The following PAQR5 variants were observed in gnomAD, a reference collection of about 807,000 sequenced individuals.
PAQR5 encodes membrane progestin receptor gamma.
Under a neutral mutation model 34.5 loss-of-function variants are expected in PAQR5, and 20 were observed. The observed-to-expected ratio is 0.58, with a 90% CI of 0.41 to 0.84. The LOEUF (loss-of-function observed/expected upper bound fraction) is 0.84. PAQR5 is among the 40% of genes least tolerant of loss of function. The probability of loss-of-function intolerance (pLI) is 0.00; values close to 1 mark genes in which losing one functional copy is unlikely to be tolerated. For missense variants in PAQR5, 378 were observed against 412.7 expected (o/e 0.92, Z 0.73); for synonymous variants, 131 against 155.6 (o/e 0.84, Z 1.18).
In PAQR5 at chr15:69,360,190, C is replaced by T. The variant is rs556627197; in HGVS notation, c.51+59C>T. The T allele has an allele frequency of 1.6e-4, 215 of 1,311,626 alleles. 1 individual carries two copies. In the South Asian group the frequency reaches 1.9e-3, roughly 12 times the overall value. 81.2% of individuals were successfully genotyped at this position (1,311,626 alleles called of 1,614,324 possible). ...CAGAGTGTGACCAGGGCTTGGCCTC[C>T]GCAATGGGGGGCTGTTGTCTTCACC... On this transcript the variant is annotated intron_variant, in intron 3 of 8. Coordinates refer to ENST00000395407, the MANE Select transcript of PAQR5 (RefSeq NM_017705.4).
intron 2 of PAQR5, among the ~76,000 whole-genome samples, chr15:69,345,323 ACT>A (rs1389569067): frequency 6.6e-6 from 1 of 152,020 alleles, no homozygotes; most frequent in African/African-American, 2.4e-5. Flanking sequence ...AAGTTTTTGG[ACT>A]CTCTCATTGG....
intron 1 of PAQR5, among the ~76,000 whole-genome samples, chr15:69,306,428 T>C (rs2053717866): frequency 6.7e-6 from 1 of 149,064 alleles, no homozygotes; most frequent in African/African-American, 2.6e-5. Context: ...TTTTTTTTTT[T>C]TGATACGGAG....
At chr15:69,348,400 A>T (rs1281951291) in intron 2 of PAQR5, among the ~76,000 whole-genome samples, 1 of 152,222 alleles carries the variant, frequency 6.6e-6, no homozygotes, top group African/African-American at 2.4e-5. Flanking sequence ...ACGGTGAAGC[A>T]GTCTTTGAAC....
At chr15:69,361,343 G>C (rs2055226602) in intron 3 of PAQR5, among the ~76,000 whole-genome samples, 1 of 152,050 alleles carries the variant, frequency 6.6e-6, no homozygotes, top group Admixed American at 6.5e-5. Flanking sequence ...CTCATATGTT[G>C]GTCAGGAAGA....
At chr15:69,332,048 G>C (rs1385720763) in intron 1 of PAQR5, among the ~76,000 whole-genome samples, 2 of 152,196 alleles carry the variant, frequency 1.3e-5, no homozygotes, top group Non-Finnish European at 2.9e-5. Flanking sequence ...AAAAGGGTGA[G>C]AAATTCTTAC....
At chr15:69,349,889 G>T (rs945258390) in intron 2 of PAQR5, among the ~76,000 whole-genome samples, 4 of 151,990 alleles carry the variant, frequency 2.6e-5, no homozygotes, top group Non-Finnish European at 4.4e-5. Flanking sequence ...TGATCGGCCC[G>T]CCTTGGCCTC....
intron 2 of PAQR5, among the ~76,000 whole-genome samples, chr15:69,351,141 G>A (rs2054907375): frequency 6.6e-6 from 1 of 152,210 alleles, no homozygotes; most frequent in Non-Finnish European, 1.5e-5. Flanking sequence ...CTATTATGGT[G>A]GAAATGGCCA....
At chr15:69,330,372 C>T (rs758360094) in intron 1 of PAQR5, among the ~76,000 whole-genome samples, 1 of 152,320 alleles carries the variant, frequency 6.6e-6, no homozygotes, top group Middle Eastern at 3.4e-3. Flanking sequence ...CAGCTCTTTC[C>T]CAAAGGAGAC....
At chr15:69,396,267 A>T (rs933948340) in intron 6 of PAQR5, among the ~76,000 whole-genome samples, 1 of 150,620 alleles carries the variant, frequency 6.6e-6, no homozygotes, top group African/African-American at 2.5e-5. Flanking sequence ...CAGAGGAAAC[A>T]GCAGATGGCA....
intron 1 of PAQR5, among the ~76,000 whole-genome samples, chr15:69,319,419 T>C (rs1021895786): frequency 6.6e-6 from 1 of 151,424 alleles, no homozygotes; most frequent in Admixed American, 6.6e-5. Context: ...TTCTAGGCCA[T>C]GTGACCCGAA....
chr15:69,397,607 AG>A, intron 7 of PAQR5, 43 bp downstream of exon 7: 1 of 1,283,644 alleles, frequency 7.8e-7, no homozygotes, highest in Non-Finnish European at 1.1e-6. Flanking sequence ...TGGCAACACC[AG>A]GAAGTCAGTT....
At chr15:69,302,632 C>T (rs552832095) in intron 1 of PAQR5, among the ~76,000 whole-genome samples, 27 of 152,174 alleles carry the variant, frequency 1.8e-4, no homozygotes, top group Non-Finnish European at 3.7e-4. Flanking sequence ...CTGCCAGGAA[C>T]CCTGTGTGAC....
chr15:69,366,971 T>G (rs1182459755), intron 3 of PAQR5, among the ~76,000 whole-genome samples: 1 of 152,156 alleles, frequency 6.6e-6, no homozygotes, highest in Non-Finnish European at 1.5e-5. Context: ...TGCCTTGGAA[T>G]GCATCCGATA....
At position 69,404,522 on chromosome 15, in the gene PAQR5, T is replaced by C. The variant is rs2056725112; in HGVS notation, c.*700T>C. 6.4e-6 allele frequency: 1 copy of C among 156,968 alleles called. No individual in the cohort carries two copies. Among genetic ancestry groups the C allele is most frequent in the Non-Finnish European group, 1.4e-5 (1 of 71,488 alleles). The allele number at this position is 156,968 out of a possible 1,614,324, so 9.7% of individuals were successfully genotyped here. ...CAGCGGGGTGTCATGTGTTCTGTTA[T>C]GTTCTGTTTTCTGGTTGCCAGTTTG... On this transcript the variant is annotated 3_prime_UTR_variant, in exon 9 of 9. Transcript: ENST00000395407.
At chr15:69,372,468 G>A (rs12910847) in intron 3 of PAQR5, among the ~76,000 whole-genome samples, 144,262 of 152,244 alleles carry the variant, frequency 0.95, 68,856 homozygotes, top group South Asian at 1. Flanking sequence ...ACTTGAATTC[G>A]GGAGATAGAG....
rs1401678345 is a variant in PAQR5 at position 69,322,759 on chromosome 15, AAGAAGAAGAAGAGGG to A, written c.-276-14569_-276-14555del. 7.5e-4 allele frequency among the ~76,000 whole-genome samples: 35 copies of A among 46,908 alleles called. 6 individuals are homozygous for A. The highest frequency in any genetic ancestry group is 2.4e-3 in the East Asian group (3 of 1,236). 30.8% of individuals were successfully genotyped at this position (46,908 alleles called of 152,430 possible). On this transcript the variant is annotated intron_variant, in intron 1 of 8. Coordinates refer to ENST00000395407, the MANE Select transcript of PAQR5 (RefSeq NM_017705.4). ...GAAGAAGAAGAAGAAGAAGAAGAAG[AAGAAGAAGAAGAGGG>A]AGAAGAAGAAGACGAGGAAGAAGAA...
At chr15:69,392,672 G>A (rs1377554174) in intron 6 of PAQR5, among the ~76,000 whole-genome samples, 1 of 152,198 alleles carries the variant, frequency 6.6e-6, no homozygotes, top group African/African-American at 2.4e-5. Flanking sequence ...ATTTCCGTTA[G>A]AGTGTAGCAG....
In PAQR5 at chr15:69,400,034, ATGATCATGACCCTCC is replaced by A. The variant is rs745945567; in HGVS notation, c.673_687del (p.Ile225_Leu229del). ...AGCCACCTCGTACCACCAGAAGCACATGATCATGACCCTCCTGGCCTCTTTCTTGTACTCTGCACA... is the reference window on the plus strand; with the variant it reads ...AGCCACCTCGTACCACCAGAAGCACATGGCCTCTTTCTTGTACTCTGCACA... On this transcript the variant is annotated inframe_deletion, in exon 8 of 9. Transcript: ENST00000395407. The A allele has an allele frequency of 1.2e-6, 2 of 1,614,050 alleles. No homozygotes were observed. Among genetic ancestry groups the A allele is most frequent in the African/African-American group, 2.7e-5 (2 of 74,934 alleles).
At position 69,360,061 on chromosome 15, in the gene PAQR5, C is replaced by T. The variant is rs776583679; in HGVS notation, c.-20C>T. The T allele has an allele frequency of 4.3e-6, 7 of 1,612,120 alleles. No individual in the cohort carries two copies. The South Asian group carries it at 6.6e-5, about 15-fold the overall frequency. Reference sequence around the variant, plus strand: ...CAGGGAGGCGCTGTCACCTACTGGCCTTGCCAATCCAGCTCCAAGATGCTG... The same window carrying T: ...CAGGGAGGCGCTGTCACCTACTGGCTTTGCCAATCCAGCTCCAAGATGCTG... On this transcript the variant is annotated 5_prime_UTR_variant, in exon 3 of 9. Coordinates refer to ENST00000395407, the MANE Select transcript of PAQR5 (RefSeq NM_017705.4).
Sources: gnomAD v4.1 joint callset for allele counts (sites outside exome capture counted in the v4.1 genomes callset) on GRCh38, gnomAD v4.1.1 for gene constraint, MANE v1.5 for transcripts, NCBI Gene and HGNC (gene_info 2026-07-23, HGNC 2026-07-21) for gene names.